Variants in GPC6 observed in about 807,000 individuals in gnomAD.
GPC6 encodes the protein glypican-6.
In GPC6, 14 loss-of-function variants were observed where a neutral mutation model predicts 55.2. The ratio of observed to expected loss-of-function variants is 0.25; its 90% CI spans 0.17 to 0.40. GPC6 has a LOEUF of 0.40. GPC6 is among the 10% of genes least tolerant of loss of function. The pLI is 1.00. For missense variants in GPC6, 641 were observed against 708.5 expected (o/e 0.90, Z 1.08); for synonymous variants, 278 against 259.6 (o/e 1.07, Z -0.68).
At chr13:93,454,079 C>G (rs542405278) in intron 1 of GPC6, among the ~76,000 whole-genome samples, 1 of 152,194 alleles carries the variant, frequency 6.6e-6, no homozygotes, top group East Asian at 1.9e-4. Context: ...AGTATCCACA[C>G]AAAGGTTCTC....
chr13:93,694,979 A>T (rs1173208593), intron 2 of GPC6, among the ~76,000 whole-genome samples: 1 of 152,194 alleles, frequency 6.6e-6, no homozygotes, highest in African/African-American at 2.4e-5. Flanking sequence ...TTCTAATCAT[A>T]AACTTCCTCT....
intron 2 of GPC6, among the ~76,000 whole-genome samples, chr13:93,782,882 G>T (rs1407118857): frequency 1.3e-5 from 2 of 152,054 alleles, no homozygotes; most frequent in Non-Finnish European, 2.9e-5. Flanking sequence ...AACAGAATGT[G>T]CAGGTTTGTT....
At chr13:94,077,680 A>C (rs1377097919) in intron 4 of GPC6, among the ~76,000 whole-genome samples, 1 of 151,888 alleles carries the variant, frequency 6.6e-6, no homozygotes, top group Non-Finnish European at 1.5e-5. Context: ...TCATTATAAA[A>C]GGGCATTAAA....
chr13:94,339,751 CTTTTTTTTTTTTTTT>C (rs56074677), intron 6 of GPC6, among the ~76,000 whole-genome samples: 1 of 63,794 alleles, frequency 1.6e-5, no homozygotes. Flanking sequence ...GCATACTTTC[CTTTTTTTTTTTTTTT>C]TTTTTTTTTT....
intron 1 of GPC6, among the ~76,000 whole-genome samples, chr13:93,543,632 C>T (rs944839912): frequency 4.6e-5 from 7 of 152,070 alleles, no homozygotes; most frequent in Non-Finnish European, 7.4e-5. Context: ...TGGTAGAATT[C>T]GGCTGTGAAT....
chr13:94,169,476 T>G (rs1888483969), intron 4 of GPC6, among the ~76,000 whole-genome samples: 1 of 152,146 alleles, frequency 6.6e-6, no homozygotes, highest in South Asian at 2.1e-4. Context: ...CTTAAAATAC[T>G]AGAACTCAGA....
At chr13:93,982,127 T>C (rs755027788) in intron 3 of GPC6, among the ~76,000 whole-genome samples, 13 of 152,150 alleles carry the variant, frequency 8.5e-5, no homozygotes, top group Non-Finnish European at 1.2e-4. Context: ...TTGTGATCAT[T>C]TTTAACTTTC....
At chr13:93,365,238 A>T (rs1458933613) in intron 1 of GPC6, among the ~76,000 whole-genome samples, 1 of 152,102 alleles carries the variant, frequency 6.6e-6, no homozygotes, top group Non-Finnish European at 1.5e-5. Context: ...TCTTCCTGAT[A>T]TAAGTACGTG....
intron 4 of GPC6, among the ~76,000 whole-genome samples, chr13:94,241,776 T>A (rs1374074939): frequency 6.6e-6 from 1 of 152,128 alleles, no homozygotes; most frequent in African/African-American, 2.4e-5. Flanking sequence ...GTAAGACAGA[T>A]TTTGGCTTTA....
At chr13:93,901,151 A>G (rs1336155701) in intron 3 of GPC6, among the ~76,000 whole-genome samples, 1 of 152,192 alleles carries the variant, frequency 6.6e-6, no homozygotes. Flanking sequence ...AGACTTAGAC[A>G]TGGTTGATAA....
intron 1 of GPC6, among the ~76,000 whole-genome samples, chr13:93,270,402 G>T (rs1877479234): frequency 6.6e-6 from 1 of 151,816 alleles, no homozygotes; most frequent in Non-Finnish European, 1.5e-5. Flanking sequence ...TATCTTTATA[G>T]ATATGTAGAT....
intron 1 of GPC6, among the ~76,000 whole-genome samples, chr13:93,499,396 T>A (rs918674525): frequency 6.6e-6 from 1 of 152,186 alleles, no homozygotes; most frequent in Non-Finnish European, 1.5e-5. Flanking sequence ...GAACATTCTG[T>A]CAAAGTCATC....
At chr13:94,015,955 A>G (rs531372597) in intron 3 of GPC6, among the ~76,000 whole-genome samples, 2 of 152,320 alleles carry the variant, frequency 1.3e-5, no homozygotes, top group South Asian at 4.1e-4. Context: ...GTTGTTAACT[A>G]TCTACACATT....
At chr13:93,387,087 A>G (rs1419956267) in intron 1 of GPC6, among the ~76,000 whole-genome samples, 1 of 151,842 alleles carries the variant, frequency 6.6e-6, no homozygotes. Context: ...TTTGGAGGAG[A>G]GAATACTATT....
chr13:93,705,229 G>A (rs1357433794), intron 2 of GPC6, among the ~76,000 whole-genome samples: 1 of 151,916 alleles, frequency 6.6e-6, no homozygotes, highest in Admixed American at 6.6e-5. Flanking sequence ...AAATACAAAT[G>A]TAGTTAATCT....
At chr13:93,600,600 A>C (rs1047096519) in intron 2 of GPC6, among the ~76,000 whole-genome samples, 23 of 152,304 alleles carry the variant, frequency 1.5e-4, no homozygotes, top group African/African-American at 5.5e-4. Flanking sequence ...AGTGAGTTAG[A>C]GAGTGGGTGA....
intron 1 of GPC6, among the ~76,000 whole-genome samples, chr13:93,498,798 A>G (rs528560323): frequency 1.9e-4 from 29 of 152,274 alleles, no homozygotes; most frequent in African/African-American, 5.3e-4. Context: ...TATGTGTGCC[A>G]TATTCTTTAT....
chr13:93,851,911 C>A (rs1421591998), intron 3 of GPC6, among the ~76,000 whole-genome samples: 1 of 151,632 alleles, frequency 6.6e-6, no homozygotes, highest in South Asian at 2.1e-4. Context: ...ATGTACTTAC[C>A]TGAAGTTTTT....
chr13:93,730,139 C>T (rs971610542), intron 2 of GPC6, among the ~76,000 whole-genome samples: 1 of 152,090 alleles, frequency 6.6e-6, no homozygotes, highest in South Asian at 2.1e-4. Flanking sequence ...ATGTTCACTT[C>T]ATCATAAGTT....
Sources: allele counts gnomAD v4.1 joint callset (sites outside exome capture counted in the v4.1 genomes callset), GRCh38; gene constraint gnomAD v4.1.1; transcripts MANE v1.5; gene names NCBI Gene and HGNC (gene_info 2026-07-23, HGNC 2026-07-21).